BMX: variants seen among roughly 807,000 people sequenced by gnomAD.
BMX encodes the protein cytoplasmic tyrosine-protein kinase BMX.
In BMX, 31 loss-of-function variants were observed where a neutral mutation model predicts 59.2. That is an observed-to-expected ratio of 0.52 (90% CI 0.39 to 0.71). BMX has a LOEUF of 0.71. Ranked by LOEUF, BMX falls within the 30% of genes least tolerant of loss-of-function variation. The pLI is 0.00. For missense variants in BMX, 474 were observed against 491.7 expected, an observed-to-expected ratio of 0.96 and a Z score of 0.34; for synonymous variants, 185 against 181.0, an observed-to-expected ratio of 1.02 and a Z score of -0.18.
intron 15 of BMX, among the ~76,000 whole-genome samples, chrX:15,542,458 G>C (rs962402165): frequency 1.8e-5 from 2 of 111,372 alleles, no homozygotes; most frequent in African/African-American, 6.5e-5. Flanking sequence ...GGAAAGGAAA[G>C]ACTTCTGCCA....
intron 18 of BMX, among the ~76,000 whole-genome samples, chrX:15,550,832 A>C (rs1050847515): frequency 2.7e-5 from 3 of 111,484 alleles, no homozygotes; most frequent in East Asian, 5.6e-4. Flanking sequence ...TAATACAAGA[A>C]GCGCTCAGAG....
chrX:15,543,852 T>C (rs1348337251), intron 16 of BMX, among the ~76,000 whole-genome samples: 1 of 111,966 alleles, frequency 8.9e-6, no homozygotes, highest in African/African-American at 3.2e-5. Flanking sequence ...ACCTTAATCC[T>C]GTATCCTAAT....
At chrX:15,539,489 C>A (rs999541285) in intron 14 of BMX, among the ~76,000 whole-genome samples, 1 of 111,318 alleles carries the variant, frequency 9.0e-6, no homozygotes, top group South Asian at 3.8e-4. Flanking sequence ...CATCACAAGC[C>A]TTCCCTCTGA....
chrX:15,525,393 T>A lies in BMX; in HGVS notation c.830+28T>A, dbSNP rs769410267. ...AAATCAAATTCAGATATCTCCTACA[T>A]CCAGAATATGCTTCCATTTTCAGGA... On this transcript the variant is annotated intron_variant, in intron 8 of 18. Transcript: ENST00000348343. The A allele has an allele frequency of 8.7e-6, 10 of 1,145,119 alleles. No individual in the cohort carries two copies. The Admixed American group carries it at 1.4e-4, about 15-fold the overall frequency. 94.4% of individuals were successfully genotyped at this position (1,145,119 alleles called of 1,213,427 possible). A position where few individuals can be genotyped will look rare whatever the true frequency, so the allele number is the denominator to read the frequency against.
chrX:15,529,474 C>G (rs921901433), intron 9 of BMX, among the ~76,000 whole-genome samples: 7 of 112,423 alleles, frequency 6.2e-5, no homozygotes, highest in African/African-American at 2.3e-4. Context: ...GCCCAAAGGC[C>G]ACAGACATTA....
At position 15,549,994 on chromosome X, in the gene BMX, C is replaced by T. The variant is rs752370479; in HGVS notation, c.1950C>T (p.His650=). Residue 650 remains histidine, a synonymous_variant, in exon 18 of 19, where the codon CAC becomes CAT. Coordinates refer to ENST00000348343, the MANE Select transcript of BMX (RefSeq NM_203281.3). The part of the protein sequence containing the change: ...TIYQIMYSCW[H]ELPEKRPTFQ... ...ACCAGATCATGTACAGCTGCTGGCA[C>T]GAGGCAAGTGTATTCTCTGGGTGGG... is the stretch of plus-strand genomic sequence containing the variant. The T allele has an allele frequency of 1.2e-4, 142 of 1,198,917 alleles. No homozygotes were observed. The highest frequency in any genetic ancestry group is 1.6e-4 in the Non-Finnish European group (139 of 888,761).
intron 17 of BMX, among the ~76,000 whole-genome samples, chrX:15,549,586 A>G (rs972367013): frequency 2.7e-5 from 3 of 111,463 alleles, no homozygotes; most frequent in African/African-American, 9.8e-5. Context: ...TGCCCTTGCC[A>G]TTCACCCACT....
At chrX:15,535,098 A>G (rs999843905) in intron 12 of BMX, among the ~76,000 whole-genome samples, 1 of 112,256 alleles carries the variant, frequency 8.9e-6, no homozygotes, top group Middle Eastern at 4.6e-3. Flanking sequence ...AAGAATACTT[A>G]AAATGTACAG....
chrX:15,507,838 G>A (rs1923798096), intron 1 of BMX, among the ~76,000 whole-genome samples: 1 of 111,231 alleles, frequency 9.0e-6, no homozygotes, highest in Non-Finnish European at 1.9e-5. Context: ...TTATACCTGT[G>A]TAATTTATGT....
At chrX:15,541,042 G>GAAAAAAAAA (rs34730726) in intron 14 of BMX, among the ~76,000 whole-genome samples, 1 of 91,890 alleles carries the variant, frequency 1.1e-5, no homozygotes. Flanking sequence ...CTCACAAATG[G>GAAAAAAAAA]AAAAAAAAAA....
rs1017431101 is a variant in BMX at position 15,508,395 on chromosome X, A to G, written c.42A>G (p.Arg14=). 5.1e-6 allele frequency: 6 copies of G among 1,169,577 alleles called. No homozygotes were observed. The highest frequency in any genetic ancestry group is 6.9e-6 in the Non-Finnish European group (6 of 866,252). ...KSILEELLLK[R]SQQKKKMSPN... ...TTCTAGAAGAACTTCTTCTCAAAAGATCACAGCAAAAGAAGAAAATGTCAC... is the reference window on the plus strand; with the variant it reads ...TTCTAGAAGAACTTCTTCTCAAAAGGTCACAGCAAAAGAAGAAAATGTCAC... The change falls in exon 2 of 19, where the codon AGA becomes AGG. Residue 14 remains arginine (R), a synonymous_variant. Coordinates refer to ENST00000348343, the MANE Select transcript of BMX (RefSeq NM_203281.3).
intron 1 of BMX, among the ~76,000 whole-genome samples, chrX:15,503,537 A>G (rs1225733598): frequency 8.9e-6 from 1 of 112,238 alleles, no homozygotes; most frequent in African/African-American, 3.2e-5. Context: ...TCCCAGGGCC[A>G]TGCCTCTTAG....
intron 9 of BMX, 58 bp from the exon 10 acceptor site, chrX:15,529,915 T>A (rs749504628): frequency 6.5e-6 from 7 of 1,068,824 alleles, no homozygotes; most frequent in African/African-American, 1.8e-5. Context: ...AAGTTGAGTG[T>A]CAAGCTATAC....
At chrX:15,526,209 A>G in intron 9 of BMX, 114 bp downstream of exon 9, 3 of 610,447 alleles carry the variant, frequency 4.9e-6, no homozygotes, top group African/African-American at 2.2e-5. Flanking sequence ...CTGTATTTAC[A>G]TGGGTAAACT....
chrX:15,508,295 A>C (rs1020837658), intron 1 of BMX, 50 bp from the exon 2 acceptor site: 10 of 918,207 alleles, frequency 1.1e-5, no homozygotes, highest in Non-Finnish European at 1.3e-5. Context: ...GGTTAAAGAG[A>C]ACTTACCTAG....
chrX:15,544,962 G>A (rs771988438), intron 16 of BMX, among the ~76,000 whole-genome samples: 55 of 111,642 alleles, frequency 4.9e-4, no homozygotes, highest in Middle Eastern at 9.2e-3. Flanking sequence ...AATTCCAATT[G>A]CCATAACTCC....
rs191649470 is a variant in BMX at position 15,528,710 on chromosome X, A to G, written c.885-1263A>G. ...AGGCCTAGGACTCTGCTGCTCTGTC[A>G]TTGAATACTGAAATATTATTTAAAA... is the stretch of plus-strand genomic sequence containing the variant. On this transcript the variant is annotated intron_variant, in intron 9 of 18. Coordinates refer to ENST00000348343, the MANE Select transcript of BMX (RefSeq NM_203281.3). Among the ~76,000 whole-genome samples, 98 of 112,123 alleles carry G rather than the reference A, an allele frequency of 8.7e-4. 1 individual carries two copies. The highest frequency in any genetic ancestry group is 2.9e-3 in the African/African-American group (89 of 30,862).
Position 15,509,423 on chromosome X carries a change from AC to A in BMX, c.236del (p.Pro79HisfsTer25). The A allele has an allele frequency of 8.4e-7, 1 of 1,193,314 alleles. No homozygotes were observed. The highest frequency in any genetic ancestry group is 1.1e-6 in the Non-Finnish European group (1 of 882,707). On this transcript the variant is annotated frameshift_variant, in exon 3 of 19. Coordinates refer to ENST00000348343, the MANE Select transcript of BMX (RefSeq NM_203281.3). LOFTEE classifies it high-confidence loss of function. ...GAGCAGACGCCTGTAGAGAGACAGTACCCATTTCAGGTAAAGGGAAGAACGA... is the reference window on the plus strand; with the variant it reads ...GAGCAGACGCCTGTAGAGAGACAGTACCATTTCAGGTAAAGGGAAGAACGA... ...LEEQTPVERQ[Y>X]PFQIVYKDGL...
chrX:15,516,082 C>T (rs764628139), intron 4 of BMX, 30 bp from the exon 5 acceptor site: 6 of 1,200,438 alleles, frequency 5.0e-6, no homozygotes, highest in South Asian at 3.6e-5. Context: ...CGTTTGCTAA[C>T]GTCTTGTTTT....
Sources: allele counts gnomAD v4.1 joint callset (sites outside exome capture counted in the v4.1 genomes callset), GRCh38; gene constraint gnomAD v4.1.1; transcripts MANE v1.5; gene names NCBI Gene and HGNC (gene_info 2026-07-23, HGNC 2026-07-21).